The following BPIFB3 variants were observed in gnomAD, a reference collection of about 807,000 sequenced individuals.
BPIFB3 encodes BPI fold containing family B member 3.
BPIFB3 carries 49 observed loss-of-function variants against 53.1 expected under a neutral mutation model. The ratio of observed to expected loss-of-function variants is 0.92; its 90% CI spans 0.73 to 1.17. BPIFB3 has a LOEUF of 1.17. BPIFB3 is among the 50% of genes most tolerant of loss of function. The probability of loss-of-function intolerance (pLI) is 0.00; values close to 1 mark genes in which losing one functional copy is unlikely to be tolerated. For synonymous variants in BPIFB3, 271 were observed against 269.6 expected (o/e 1.01, Z -0.05); for missense variants, 628 against 592.5 (o/e 1.06, Z -0.62).
At chr20:33,065,908 G>C (rs1351129638) in intron 8 of BPIFB3, among the ~76,000 whole-genome samples, 1 of 152,214 alleles carries the variant, frequency 6.6e-6, no homozygotes, top group Non-Finnish European at 1.5e-5. Flanking sequence ...GCTGGGGAGA[G>C]GGTGTCTTCC....
chr20:33,071,543 C>A (rs963344223), intron 12 of BPIFB3, among the ~76,000 whole-genome samples: 8 of 152,090 alleles, frequency 5.3e-5, no homozygotes, highest in African/African-American at 1.9e-4. Context: ...TGATCTTCCA[C>A]GGTCTTGGAA....
intron 2 of BPIFB3, among the ~76,000 whole-genome samples, chr20:33,057,763 TG>T (rs1568992428): frequency 3.3e-5 from 5 of 151,818 alleles, no homozygotes; most frequent in Non-Finnish European, 7.4e-5. Flanking sequence ...ACACTCCTGC[TG>T]TGGTCTCAAT....
At chr20:33,061,653 A>C in intron 4 of BPIFB3, 115 bp from the exon 6 acceptor site, 1 of 1,023,490 alleles carries the variant, frequency 9.8e-7, no homozygotes, top group Admixed American at 2.2e-5. Flanking sequence ...AGTCAACACC[A>C]CCCCCAAGAG....
rs1215204455 is a variant in BPIFB3, at chr20:33,064,102, T to C, written c.653-355T>C. Among the ~76,000 whole-genome samples the C allele has an allele frequency of 2.6e-5, 4 of 152,190 alleles. No individual in the cohort carries two copies. In the East Asian group the frequency reaches 7.7e-4, roughly 29 times the overall value. ...ACAAGTGCCTTCTGTGTTCACAAAA[T>C]GGGTTTGGGAAAATATAAAAAGGCA... On this transcript the variant is annotated intron_variant, in intron 6 of 14. Transcript: ENST00000375494.
intron 5 of BPIFB3, 25 bp downstream of exon 6, chr20:33,061,856 C>T (rs377719095): frequency 6.2e-7 from 1 of 1,613,102 alleles, no homozygotes; most frequent in Non-Finnish European, 8.5e-7. Flanking sequence ...CGTGTGCCAG[C>T]ATGCCCTCTC....
At chr20:33,073,488 A>C (rs1317528594) in intron 14 of BPIFB3, 88 bp from the exon 16 acceptor site, 6 of 1,449,172 alleles carry the variant, frequency 4.1e-6, no homozygotes, top group Non-Finnish European at 5.8e-6. Context: ...GTACAGGGCC[A>C]ATCCCAGGGC....
chr20:33,064,458 C>G (rs934836835), exon 7 of BPIFB3: 5 of 1,613,836 alleles, frequency 3.1e-6, no homozygotes, highest in South Asian at 1.1e-5. Context: ...CCCACGCAGG[C>G]CTGGTGTCCC....
In BPIFB3 at chr20:33,073,558, A is replaced by T; in HGVS notation, c.1402-18A>T. ...GCAGAGACTCAGGGGTGTAACCAAG[A>T]GCGGTTGTTCCTTACAGAATGCTGT... is the stretch of plus-strand genomic sequence containing the variant. On this transcript the variant is annotated intron_variant, in intron 14 of 14. Transcript: ENST00000375494. The T allele has an allele frequency of 6.2e-7, 1 of 1,613,850 alleles. No homozygotes were observed. The highest frequency in any genetic ancestry group is 8.5e-7 in the Non-Finnish European group (1 of 1,179,880).
chr20:33,072,100 G>T lies in BPIFB3; in HGVS notation c.1261-4G>T. On this transcript the variant is annotated splice_polypyrimidine_tract_variant and splice_region_variant and intron_variant, in intron 12 of 14. Coordinates refer to ENST00000375494, the Ensembl canonical transcript of BPIFB3. ...CCCCCACCACCCTGTGTGTTCTGTT[G>T]CAGGGATCGCGTTTAGAAGAATGGC... is the stretch of plus-strand genomic sequence containing the variant. 1 of 1,614,138 alleles carries T rather than the reference G, an allele frequency of 6.2e-7. No homozygotes were observed. Among genetic ancestry groups the T allele is most frequent in the South Asian group, 1.1e-5 (1 of 91,076 alleles).
At position 33,064,852 on chromosome 20, in the gene BPIFB3, G is replaced by A; in HGVS notation, c.924+7G>A. On this transcript the variant is annotated splice_region_variant and intron_variant, in intron 8 of 14. Transcript: ENST00000375494. ...GGACATCACCCCTGAGCTGGTGAGT[G>A]TGGTGCCCGGGGGATGGGGATGGGG... The A allele has an allele frequency of 6.2e-7, 1 of 1,610,204 alleles. No homozygotes were observed. Among genetic ancestry groups the A allele is most frequent in the Non-Finnish European group, 8.5e-7 (1 of 1,179,310 alleles).
chr20:33,059,249 G>A, intron 2 of BPIFB3, 129 bp from the exon 4 acceptor site: 1 of 639,296 alleles, frequency 1.6e-6, no homozygotes, highest in East Asian at 2.8e-5. Context: ...ATGAAGTGAT[G>A]GGCCAAGGGC....
intron 14 of BPIFB3, 114 bp downstream of exon 15, chr20:33,072,907 C>A (rs1980967539): frequency 1.1e-6 from 1 of 943,568 alleles, no homozygotes; most frequent in South Asian, 1.5e-5. Context: ...GTCCCTGATC[C>A]ATTTTCTAAA....
At chr20:33,061,858 T>A in intron 5 of BPIFB3, 27 bp downstream of exon 6, 2 of 1,612,624 alleles carry the variant, frequency 1.2e-6, no homozygotes, top group Non-Finnish European at 8.5e-7. Context: ...TGTGCCAGCA[T>A]GCCCTCTCCC....
intron 11 of BPIFB3, among the ~76,000 whole-genome samples, chr20:33,070,855 C>T (rs1980855479): frequency 6.6e-6 from 1 of 152,182 alleles, no homozygotes; most frequent in Admixed American, 6.5e-5. Flanking sequence ...CAGGCTCTGG[C>T]CCTGAATCTG....
At chr20:33,068,357 G>A (rs564646820) in intron 9 of BPIFB3, among the ~76,000 whole-genome samples, 1 of 152,350 alleles carries the variant, frequency 6.6e-6, no homozygotes, top group South Asian at 2.1e-4. Context: ...AGGTGAGTGA[G>A]GGAACTTTGC....
intron 5 of BPIFB3, among the ~76,000 whole-genome samples, chr20:33,062,529 C>T (rs1347757133): frequency 6.6e-6 from 1 of 152,096 alleles, no homozygotes; most frequent in Non-Finnish European, 1.5e-5. Flanking sequence ...GAGGAGGGGC[C>T]CCTAAGCAAG....
At position 33,063,956 on chromosome 20, in the gene BPIFB3, CAG is replaced by C. The variant is rs1474920027; in HGVS notation, c.652+282_652+283del. 4.6e-5 allele frequency among the ~76,000 whole-genome samples: 7 copies of C among 152,236 alleles called. No homozygotes were observed. In the South Asian group the frequency reaches 6.2e-4, roughly 14 times the overall value. ...AGTGTGCGCTTGGCACTGTCAGAAA[CAG>C]GGGGAAGATATAATGATTACCTGGT... On this transcript the variant is annotated intron_variant, in intron 6 of 14. Coordinates refer to ENST00000375494, the Ensembl canonical transcript of BPIFB3.
chr20:33,064,734 C>T (rs1454371357), exon 8 of BPIFB3: 2 of 1,614,034 alleles, frequency 1.2e-6, no homozygotes, highest in African/African-American at 1.3e-5. Context: ...CCAAGGTGCC[C>T]CCCAAGAAGG....
At chr20:33,054,310 A>G (rs1439948192), upstream of BPIFB3, among the ~76,000 whole-genome samples, 5 of 151,984 alleles carry the variant, frequency 3.3e-5, no homozygotes, top group African/African-American at 9.7e-5. Flanking sequence ...CTGACACACA[A>G]CCACGCACAG....
Sources: gnomAD v4.1 joint callset for allele counts (sites outside exome capture counted in the v4.1 genomes callset) on GRCh38, gnomAD v4.1.1 for gene constraint, MANE v1.5 for transcripts, NCBI Gene and HGNC (gene_info 2026-07-23, HGNC 2026-07-21) for gene names.